Variants in STAU2 observed in about 807,000 individuals in gnomAD.
STAU2 encodes the protein double-stranded RNA-binding protein Staufen homolog 2.
Under a neutral mutation model 65.9 loss-of-function variants are expected in STAU2, and 20 were observed. The observed-to-expected ratio is 0.30, with a 90% CI of 0.21 to 0.44. The LOEUF (loss-of-function observed/expected upper bound fraction) is 0.44, where lower values mean the gene tolerates loss of function less well. Ranked by LOEUF, STAU2 falls within the 20% of genes least tolerant of loss-of-function variation. STAU2 has a pLI of 1.00. For missense variants in STAU2, 558 were observed against 683.9 expected (o/e 0.82, Z 2.05); for synonymous variants, 232 against 233.9 (o/e 0.99, Z 0.07).
chr8:73,479,777 T>C (rs1027933305), intron 13 of STAU2, among the ~76,000 whole-genome samples: 1 of 150,460 alleles, frequency 6.6e-6, no homozygotes, highest in African/African-American at 2.5e-5. Flanking sequence ...CATTTTGAAA[T>C]AAAACATCCT....
chr8:73,544,226 A>T (rs1277549352), intron 13 of STAU2, among the ~76,000 whole-genome samples: 2 of 152,284 alleles, frequency 1.3e-5, no homozygotes, highest in East Asian at 3.9e-4. Context: ...TGTACCCTAG[A>T]TCCACTCCTC....
chr8:73,649,077 C>T (rs1028297080), intron 6 of STAU2, among the ~76,000 whole-genome samples: 1 of 152,150 alleles, frequency 6.6e-6, no homozygotes, highest in South Asian at 2.1e-4. Flanking sequence ...AAGTGCTGGG[C>T]CACCAGGCCA....
At chr8:73,473,707 A>G (rs1378112779) in intron 13 of STAU2, among the ~76,000 whole-genome samples, 2 of 152,232 alleles carry the variant, frequency 1.3e-5, no homozygotes, top group Non-Finnish European at 2.9e-5. Flanking sequence ...GCCACTGCCT[A>G]GTCTAACACC....
chr8:73,478,305 TAA>T (rs10660977), intron 13 of STAU2, among the ~76,000 whole-genome samples: 3,908 of 77,392 alleles, frequency 0.05, 102 homozygotes, highest in African/African-American at 0.12. Flanking sequence ...ACTGATGAGC[TAA>T]AAAAAAAAAA....
intron 11 of STAU2, among the ~76,000 whole-genome samples, chr8:73,593,930 G>T (rs1233514754): frequency 6.6e-6 from 1 of 151,828 alleles, no homozygotes; most frequent in Non-Finnish European, 1.5e-5. Flanking sequence ...TTTCTTTGGA[G>T]AACCCTGACT....
chr8:73,558,430 A>G (rs902735512), intron 12 of STAU2, among the ~76,000 whole-genome samples: 4 of 152,246 alleles, frequency 2.6e-5, no homozygotes, highest in African/African-American at 9.6e-5. Flanking sequence ...TGCTTCTTTC[A>G]GATGGGTATA....
At position 73,481,500 on chromosome 8, in the gene STAU2, C is replaced by CA. The variant is rs766805913; in HGVS notation, c.1531-58799dup. ...AATAAGTATTTGGATCAAAATAAGC[C>CA]AAAAAAACAAAAAAACAAAAAAAAA... On this transcript the variant is annotated intron_variant, in intron 13 of 14. Transcript: ENST00000524300. 5.9e-3 allele frequency among the ~76,000 whole-genome samples: 353 copies of CA among 59,718 alleles called. 2 individuals carry two copies. Among genetic ancestry groups the CA allele is most frequent in the South Asian group, 0.015 (17 of 1,112 alleles). 39.2% of individuals were successfully genotyped at this position (59,718 alleles called of 152,430 possible).
At chr8:73,486,611 T>TTATATA (rs138537650) in intron 13 of STAU2, among the ~76,000 whole-genome samples, 391 of 143,628 alleles carry the variant, frequency 2.7e-3, no homozygotes, top group South Asian at 0.011. Context: ...AAAATATCCA[T>TTATATA]TATATATATA....
chr8:73,513,462 T>C (rs1476205053), intron 13 of STAU2, among the ~76,000 whole-genome samples: 1 of 152,126 alleles, frequency 6.6e-6, no homozygotes, highest in Non-Finnish European at 1.5e-5. Flanking sequence ...ACTCAGGCAG[T>C]TTTCAAGTCT....
In STAU2 at chr8:73,746,791, CG is replaced by C; in HGVS notation, c.-206del. 2.4e-6 allele frequency: 3 copies of C among 1,232,206 alleles called. No individual in the cohort carries two copies. The highest frequency in any genetic ancestry group is 3.0e-6 in the Non-Finnish European group (3 of 987,034). 76.3% of individuals were successfully genotyped at this position (1,232,206 alleles called of 1,614,324 possible). A position where few individuals can be genotyped will look rare whatever the true frequency, so the allele number is the denominator to read the frequency against. The stretch of plus-strand genomic sequence containing the variant: ...CCGATGAGGGTATTTACCTTCTTGC[CG>C]GGGACACTTTGCAGACGGCTCCAAC... On this transcript the variant is annotated 5_prime_UTR_variant, in exon 1 of 15. An upstream open reading frame in the 5' UTR loses its in-frame stop. Transcript: ENST00000524300.
intron 13 of STAU2, among the ~76,000 whole-genome samples, chr8:73,510,957 C>T (rs1822364012): frequency 6.6e-6 from 1 of 152,242 alleles, no homozygotes. Flanking sequence ...ATCATCTCTG[C>T]CTTGCAATTG....
intron 3 of STAU2, among the ~76,000 whole-genome samples, chr8:73,724,690 TA>T (rs1341353163): frequency 1.3e-4 from 19 of 143,514 alleles, no homozygotes; most frequent in African/African-American, 3.4e-4. Context: ...TATATATATA[TA>T]TTTTTTTTTT....
intron 12 of STAU2, among the ~76,000 whole-genome samples, chr8:73,563,696 T>C (rs1190974893): frequency 6.6e-6 from 1 of 152,186 alleles, no homozygotes; most frequent in Non-Finnish European, 1.5e-5. Flanking sequence ...AAATTTATTG[T>C]AGAGACAGGA....
chr8:73,660,380 G>C (rs1189705080), intron 6 of STAU2, among the ~76,000 whole-genome samples: 1 of 152,178 alleles, frequency 6.6e-6, no homozygotes, highest in Non-Finnish European at 1.5e-5. Context: ...AGTGAGCTGA[G>C]ATCGCATCAT....
At chr8:73,478,241 G>A (rs1253742242) in intron 13 of STAU2, among the ~76,000 whole-genome samples, 1 of 136,556 alleles carries the variant, frequency 7.3e-6, no homozygotes, top group Non-Finnish European at 1.5e-5. Context: ...GGCCACATTG[G>A]AAGAATTAAG....
chr8:73,677,381 TAAG>T (rs1818100105), intron 5 of STAU2, among the ~76,000 whole-genome samples: 1 of 152,192 alleles, frequency 6.6e-6, no homozygotes, highest in South Asian at 2.1e-4. Flanking sequence ...GTATGCATTT[TAAG>T]AATACTGTTC....
At chr8:73,546,318 C>T (rs1443849541) in intron 13 of STAU2, among the ~76,000 whole-genome samples, 1 of 151,796 alleles carries the variant, frequency 6.6e-6, no homozygotes, top group Admixed American at 6.6e-5. Context: ...TAGTTGAGGG[C>T]AGAAATAAAT....
At chr8:73,648,433 T>C (rs1434846628) in intron 6 of STAU2, among the ~76,000 whole-genome samples, 1 of 152,214 alleles carries the variant, frequency 6.6e-6, no homozygotes. Flanking sequence ...AACTTGAGTC[T>C]CTGTTTCTTC....
At chr8:73,515,773 C>CTTTTTT (rs75132374) in intron 13 of STAU2, among the ~76,000 whole-genome samples, 1 of 90,936 alleles carries the variant, frequency 1.1e-5, no homozygotes, top group African/African-American at 4.4e-5. Context: ...AAAAATTTCT[C>CTTTTTT]TTTTTTTTTT....
Sources: allele counts gnomAD v4.1 joint callset (sites outside exome capture counted in the v4.1 genomes callset), GRCh38; gene constraint gnomAD v4.1.1; transcripts MANE v1.5; gene names NCBI Gene and HGNC (gene_info 2026-07-23, HGNC 2026-07-21).